The following CNNM3 variants were observed in gnomAD, a reference collection of about 807,000 sequenced individuals.
CNNM3 encodes cyclin and CBS domain divalent metal cation transport mediator 3, also known as metal transporter CNNM3.
A neutral mutation model predicts 57.1 loss-of-function variants in CNNM3; 47 were observed. The ratio of observed to expected loss-of-function variants is 0.82; its 90% CI spans 0.65 to 1.05. The LOEUF (loss-of-function observed/expected upper bound fraction) is 1.05, where lower values mean the gene tolerates loss of function less well. CNNM3 is among the 50% of genes least tolerant of loss of function. The probability of loss-of-function intolerance (pLI) is 0.00; values close to 1 mark genes in which losing one functional copy is unlikely to be tolerated. For missense variants in CNNM3, 957 were observed against 973.7 expected, an observed-to-expected ratio of 0.98 and a Z score of 0.23; for synonymous variants, 507 against 478.2, an observed-to-expected ratio of 1.06 and a Z score of -0.79.
At chr2:96,828,020 G>C in intron 4 of CNNM3, 79 bp from the exon 5 acceptor site, 2 of 1,568,400 alleles carry the variant, frequency 1.3e-6, no homozygotes, top group Non-Finnish European at 1.8e-6. Context: ...AATTGAGGTG[G>C]TGGGTTTCTC....
chr2:96,828,429 T>G, intron 5 of CNNM3, 138 bp from the exon 6 acceptor site: 1 of 1,131,008 alleles, frequency 8.8e-7, no homozygotes, highest in African/African-American at 1.5e-5. Context: ...TGTCCTTCTC[T>G]CCCAGCTTCC....
At chr2:96,821,237 T>C (rs2079401914) in intron 1 of CNNM3, among the ~76,000 whole-genome samples, 1 of 152,148 alleles carries the variant, frequency 6.6e-6, no homozygotes, top group Admixed American at 6.5e-5. Flanking sequence ...CTTTGGCAAA[T>C]ATCTTTATTT....
At chr2:96,824,996 G>A in intron 1 of CNNM3, 62 bp from the exon 2 acceptor site, 1 of 1,598,382 alleles carries the variant, frequency 6.3e-7, no homozygotes, top group Non-Finnish European at 8.5e-7. Context: ...CCTATACCAG[G>A]GGAGATGAAT....
intron 2 of CNNM3, 56 bp downstream of exon 2, chr2:96,825,257 C>G (rs377434913): frequency 6.3e-7 from 1 of 1,589,304 alleles, no homozygotes; most frequent in African/African-American, 1.3e-5. Flanking sequence ...CTTCCCCAGG[C>G]GTATGTTGCG....
intron 1 of CNNM3, among the ~76,000 whole-genome samples, chr2:96,818,348 G>T (rs937697958): frequency 2.0e-5 from 3 of 150,472 alleles, no homozygotes; most frequent in Non-Finnish European, 1.5e-5. Flanking sequence ...CTCCCAAAGT[G>T]CTGTGATTGC....
intron 7 of CNNM3, among the ~76,000 whole-genome samples, chr2:96,830,614 C>G (rs2079585639): frequency 6.6e-6 from 1 of 152,240 alleles, no homozygotes; most frequent in East Asian, 1.9e-4. Flanking sequence ...GGCAAAAAGG[C>G]AGCGGGTGAG....
At position 96,828,692 on chromosome 2, in the gene CNNM3, CTCA is replaced by C. The variant is rs1268619244; in HGVS notation, c.1916_1918del (p.Ile639del). 17 of 1,614,050 alleles carry C rather than the reference CTCA, an allele frequency of 1.1e-5. No homozygotes were observed. Among genetic ancestry groups the C allele is most frequent in the Non-Finnish European group, 1.4e-5 (17 of 1,180,022 alleles). The stretch of plus-strand genomic sequence containing the variant: ...CGTGAGGGCGCTCTCTGATCTGCAG[CTCA>C]TCAAGGTGACTGCCTGGGCTGCTTG... On this transcript the variant is annotated inframe_deletion, in exon 6 of 8. Transcript: ENST00000305510.
At chr2:96,835,617 GC>G (rs774281004), downstream of CNNM3, among the ~76,000 whole-genome samples, 14 of 151,980 alleles carry the variant, frequency 9.2e-5, no homozygotes, top group Non-Finnish European at 1.5e-4. Context: ...ACAGGCGCCC[GC>G]CACCACGCCC....
intron 1 of CNNM3, among the ~76,000 whole-genome samples, chr2:96,821,985 A>AAT (rs2079413293): frequency 1.4e-5 from 2 of 147,024 alleles, no homozygotes; most frequent in African/African-American, 5.2e-5. Context: ...GTACAAAAGA[A>AAT]CATTATTATT....
intron 6 of CNNM3, 127 bp from the exon 7 acceptor site, chr2:96,828,869 G>A: frequency 6.7e-7 from 1 of 1,489,328 alleles, no homozygotes; most frequent in Non-Finnish European, 9.2e-7. Flanking sequence ...TGACTCAGTT[G>A]CTCTTCTCTG....
chr2:96,826,723 C>A, intron 2 of CNNM3, 110 bp from the exon 3 acceptor site: 1 of 1,335,376 alleles, frequency 7.5e-7, no homozygotes, highest in Non-Finnish European at 1.0e-6. Flanking sequence ...GCTGCTCCAT[C>A]GAGGACCCCC....
At chr2:96,821,017 C>G (rs1181144782) in intron 1 of CNNM3, among the ~76,000 whole-genome samples, 1 of 152,160 alleles carries the variant, frequency 6.6e-6, no homozygotes, top group Non-Finnish European at 1.5e-5. Context: ...ACAGACCTTT[C>G]TAAAAGCTGC....
In CNNM3 at chr2:96,816,453, A is replaced by G. The variant is rs1379697946; in HGVS notation, c.176A>G (p.Asp59Gly). 80 of 1,442,266 alleles carry G rather than the reference A, an allele frequency of 5.5e-5. 1 individual carries two copies. The East Asian group carries it at 1.6e-3, about 29-fold the overall frequency. The allele number at this position is 1,442,266 out of a possible 1,614,324, so 89.3% of individuals were successfully genotyped here. A position where few individuals can be genotyped will look rare whatever the true frequency, so the allele number is the denominator to read the frequency against. ...VRGGAARDTP[D>G]ATFLLRLFGP... is the part of the protein sequence containing the mutation. ...GGAGGGGCGGCGCGGGACACGCCGGACGCCACCTTCCTCCTGCGCCTCTTC... is the reference window on the plus strand; with the variant it reads ...GGAGGGGCGGCGCGGGACACGCCGGGCGCCACCTTCCTCCTGCGCCTCTTC... Residue 59 changes from aspartate (D) to glycine (G), a missense_variant, in exon 1 of 8, where the codon GAC becomes GGC. Around this residue, in one of 2 missense-constraint regions of CNNM3, gnomAD observed 466 missense variants for 403.1 expected, o/e 1.16. Transcript: ENST00000305510.
chr2:96,832,693 T>TGCCC lies in CNNM3; in HGVS notation c.*81_*84dup. ...TGGAGTGAGCTGAGCAGAAGTTTTG[T>TGCCC]GCCCGCCTGCCCCCATCCCCTCCAG... On this transcript the variant is annotated 3_prime_UTR_variant, in exon 8 of 8. Coordinates refer to ENST00000305510, the MANE Select transcript of CNNM3 (RefSeq NM_017623.5). 3.1e-6 allele frequency: 5 copies of TGCCC among 1,594,642 alleles called. No individual in the cohort carries two copies. In the South Asian group the frequency reaches 5.5e-5, roughly 18 times the overall value.
chr2:96,821,547 C>CTGA (rs921745592), intron 1 of CNNM3, among the ~76,000 whole-genome samples: 2 of 152,156 alleles, frequency 1.3e-5, no homozygotes, highest in African/African-American at 4.8e-5. Flanking sequence ...AGATGACGTG[C>CTGA]TGATTATTTT....
chr2:96,817,532 CCCGTGCGAGTGCCCTCT>C, intron 1 of CNNM3, 30 bp downstream of exon 1: 1 of 1,578,924 alleles, frequency 6.3e-7, no homozygotes, highest in Non-Finnish European at 8.6e-7. Flanking sequence ...GCAGGGGACG[CCCGTGCGAGTGCCCTCT>C]CCCTGAAAAG....
Position 96,827,622 on chromosome 2 carries a change from G to A in CNNM3, c.1520-109G>A, listed in dbSNP as rs1263260420. On this transcript the variant is annotated intron_variant, in intron 3 of 7. Transcript: ENST00000305510. The stretch of plus-strand genomic sequence containing the variant: ...AGGGGCAGCTGCTCACAGGCCACCC[G>A]GGAGATCCCTGGTGGGCACAATAAC... 55 of 1,161,012 alleles carry A rather than the reference G, an allele frequency of 4.7e-5. No homozygotes were observed. The South Asian group carries it at 5.0e-4, about 10-fold the overall frequency. The allele number at this position is 1,161,012 out of a possible 1,614,324, so 71.9% of individuals were successfully genotyped here.
At chr2:96,837,099 G>GCA (rs1159414572), downstream of CNNM3, 1 of 152,126 alleles carries the variant, frequency 6.6e-6, no homozygotes, top group Non-Finnish European at 1.5e-5. Context: ...TGCCAGCATT[G>GCA]CACTCTTGGT....
In CNNM3 at chr2:96,832,876, GC is replaced by G. The variant is rs2079628283; in HGVS notation, c.*262del. The G allele has an allele frequency of 2.7e-6, 4 of 1,490,348 alleles. No homozygotes were observed. In the East Asian group the frequency reaches 1.1e-4, roughly 40 times the overall value. The allele number at this position is 1,490,348 out of a possible 1,614,324, so 92.3% of individuals were successfully genotyped here. On this transcript the variant is annotated 3_prime_UTR_variant, in exon 8 of 8. Coordinates refer to ENST00000305510, the MANE Select transcript of CNNM3 (RefSeq NM_017623.5). ...CGCCTCAGGAAGGAATGAAAGGAATGCCATCATCTCTAGTTCCCAGGGCCCA... is the reference window on the plus strand; with the variant it reads ...CGCCTCAGGAAGGAATGAAAGGAATGCATCATCTCTAGTTCCCAGGGCCCA...
Sources: allele counts gnomAD v4.1 joint callset (sites outside exome capture counted in the v4.1 genomes callset), GRCh38; gene constraint gnomAD v4.1.1; regional missense constraint gnomAD v4.1.1; transcripts MANE v1.5; gene names NCBI Gene and HGNC (gene_info 2026-07-23, HGNC 2026-07-21).